The following FBL variants were observed in gnomAD, a reference collection of about 807,000 sequenced individuals.
FBL encodes the protein rRNA 2'-O-methyltransferase fibrillarin.
A neutral mutation model predicts 42.2 loss-of-function variants in FBL; 10 were observed. That is an observed-to-expected ratio of 0.24 (90% CI 0.15 to 0.40). The LOEUF (loss-of-function observed/expected upper bound fraction) is 0.40. Ranked by LOEUF, FBL falls within the 10% of genes least tolerant of loss-of-function variation. The probability of loss-of-function intolerance (pLI) is 1.00; values close to 1 mark genes in which losing one functional copy is unlikely to be tolerated. For missense variants in FBL, 351 were observed against 439.2 expected (o/e 0.80, Z 1.79); for synonymous variants, 165 against 165.4 (o/e 1.00, Z 0.02).
rs773185601 is a variant in FBL at position 39,840,537 on chromosome 19, G to A, written c.182-22C>T. 7 of 1,613,782 alleles carry A rather than the reference G, an allele frequency of 4.3e-6. No homozygotes were observed. In the South Asian group the frequency reaches 4.4e-5, roughly 10 times the overall value. ...CCACCTATAAAGGAGAGGTACAACAGGAGAGAAAGATCCTGAATCTCCGCC... is the reference window on the plus strand; with the variant it reads ...CCACCTATAAAGGAGAGGTACAACAAGAGAGAAAGATCCTGAATCTCCGCC... On this transcript the variant is annotated intron_variant, in intron 2 of 8. Coordinates refer to ENST00000221801, the MANE Select transcript of FBL (RefSeq NM_001436.4). The surrounding 1 kb of genome is among the most constrained non-coding windows in gnomAD (Gnocchi z 4.5).
rs1031631975 is a variant in FBL at position 39,834,818 on chromosome 19, AGAG to A, written c.796-8_796-6del. On this transcript the variant is annotated splice_polypyrimidine_tract_variant and splice_region_variant and intron_variant, in intron 7 of 8. Coordinates refer to ENST00000221801, the MANE Select transcript of FBL (RefSeq NM_001436.4). ...TGTGGAGTCAATGCAGTTGGCCTAA[AGAG>A]GAGAAAGGACTAATGTCTACAACAG... 1 of 1,614,114 alleles carries A rather than the reference AGAG, an allele frequency of 6.2e-7. No individual in the cohort carries two copies. Among genetic ancestry groups the A allele is most frequent in the Non-Finnish European group, 8.5e-7 (1 of 1,180,050 alleles).
In FBL at chr19:39,839,072, C is replaced by T; in HGVS notation, c.512G>A (p.Gly171Asp). ...GTCAGAGACATGGGAGACCGTGGTGCCCGAGGCAGCCCCGAGGTAGAGAAC... is the reference window on the plus strand; with the variant it reads ...GTCAGAGACATGGGAGACCGTGGTGTCCGAGGCAGCCCCGAGGTAGAGAAC... The part of the protein sequence containing the change: ...AKVLYLGAAS[G>D]TTVSHVSDIV... Residue 171 changes from glycine to aspartate, a missense_variant, in exon 5 of 9, where the codon GGC becomes GAC. Physicochemically the swap from Gly to Asp is moderately conservative, Grantham distance 94 (BLOSUM62 -1). Coordinates refer to ENST00000221801, the MANE Select transcript of FBL (RefSeq NM_001436.4). 1 of 1,613,876 alleles carries T rather than the reference C, an allele frequency of 6.2e-7. No homozygotes were observed. The highest frequency in any genetic ancestry group is 8.5e-7 in the Non-Finnish European group (1 of 1,179,856).
At chr19:39,837,578 C>A (rs920843066) in intron 6 of FBL, 133 bp downstream of exon 6, 2 of 826,676 alleles carry the variant, frequency 2.4e-6, no homozygotes, top group Non-Finnish European at 3.6e-6. Context: ...TCCCCTTACC[C>A]CTTTCTATTC....
At chr19:39,835,519 AAAAAATAAAAAT>A (rs374103014) in intron 7 of FBL, among the ~76,000 whole-genome samples, 2 of 152,158 alleles carry the variant, frequency 1.3e-5, no homozygotes, top group African/African-American at 2.4e-5. Flanking sequence ...CTCCATCTCA[AAAAAATAAAAAT>A]AAAAATAAAA....
In FBL at chr19:39,846,362, C is replaced by T. The variant is rs1969263974; in HGVS notation, c.-62G>A. The T allele has an allele frequency of 2.5e-6, 4 of 1,602,970 alleles. No individual in the cohort carries two copies. Among genetic ancestry groups the T allele is most frequent in the Non-Finnish European group, 3.4e-6 (4 of 1,174,242 alleles). ...CGTTCACAACTCCACGAGTCCGGGG[C>T]TTTCGCACGTGGAAAAGAGCGCAGG... is the stretch of plus-strand genomic sequence containing the variant. On this transcript the variant is annotated 5_prime_UTR_variant, in exon 1 of 9. Coordinates refer to ENST00000221801, the MANE Select transcript of FBL (RefSeq NM_001436.4).
chr19:39,846,275 C>T lies in FBL; in HGVS notation c.10+16G>A, dbSNP rs1030416292. 1.2e-6 allele frequency: 2 copies of T among 1,613,902 alleles called. No homozygotes were observed. Among genetic ancestry groups the T allele is most frequent in the Non-Finnish European group, 1.7e-6 (2 of 1,179,850 alleles). ...CGGCCTCCGTCCCTGACCCCGGACC[C>T]TCACCCCAGCCTGACCTGGCTTCAT... On this transcript the variant is annotated intron_variant, in intron 1 of 8. Transcript: ENST00000221801.
At chr19:39,834,603 TC>T in intron 8 of FBL, 41 bp from the exon 9 acceptor site, 1 of 1,614,078 alleles carries the variant, frequency 6.2e-7, no homozygotes, top group South Asian at 1.1e-5. Flanking sequence ...GTCCCCAGGA[TC>T]ATGGCACTCG....
chr19:39,841,848 G>A (rs1424388276), intron 1 of FBL, among the ~76,000 whole-genome samples: 1 of 152,210 alleles, frequency 6.6e-6, no homozygotes, highest in Non-Finnish European at 1.5e-5. Context: ...AGATCGAAAT[G>A]TTTAAGAAAT....
chr19:39,839,151 C>T lies in FBL; in HGVS notation c.433G>A (p.Ala145Thr). 1 of 1,613,996 alleles carries T rather than the reference C, an allele frequency of 6.2e-7. No individual in the cohort carries two copies. Among genetic ancestry groups the T allele is most frequent in the Non-Finnish European group, 8.5e-7 (1 of 1,179,962 alleles). Reference sequence around the variant, plus strand: ...TCCACACCACCCAGGATTGCTGCTGCTAGCTTGGAGCGGAAGGGGTTCCAG... The same window carrying T: ...TCCACACCACCCAGGATTGCTGCTGTTAGCTTGGAGCGGAAGGGGTTCCAG... ...RAWNPFRSKL[A>T]AAILGGVDQI... The change falls in exon 5 of 9, where the codon GCA (alanine) becomes ACA (threonine). Residue 145 changes from alanine (A) to threonine (T), a missense_variant. Ala to Thr is a moderately conservative substitution (Grantham distance 58, BLOSUM62 0). Coordinates refer to ENST00000221801, the MANE Select transcript of FBL (RefSeq NM_001436.4).
chr19:39,837,770 G>C lies in FBL; in HGVS notation c.623C>G (p.Thr208Ser), dbSNP rs777672241. 6.2e-7 allele frequency: 1 copy of C among 1,606,732 alleles called. No individual in the cohort carries two copies. Among genetic ancestry groups the C allele is most frequent in the Non-Finnish European group, 8.5e-7 (1 of 1,177,042 alleles). The change falls in exon 6 of 9, where the codon ACC becomes AGC. Residue 208 changes from threonine (T) to serine (S), a missense_variant. By Grantham distance (58) the Thr-to-Ser change is moderately conservative (BLOSUM62 1). Transcript: ENST00000221801. ...RDLINLAKKRTNIIPVIEDAR... is the reference protein window; with the variant it reads ...RDLINLAKKRSNIIPVIEDAR... ...ATCCTCGATCACAGGAATGATGTTG[G>C]TCCTCTTCTTGGCCAAGTTAATGAG...
rs765477264 is a variant in FBL at position 39,834,581 on chromosome 19, T to C, written c.942-19A>G. On this transcript the variant is annotated intron_variant, in intron 8 of 8. Coordinates refer to ENST00000221801, the MANE Select transcript of FBL (RefSeq NM_001436.4). ...GGGTGGCCTGTGAGAGGAAGATAGG[T>C]GATGAAGGAGGGTCCCCAGGATCAT... 1 of 1,614,000 alleles carries C rather than the reference T, an allele frequency of 6.2e-7. No individual in the cohort carries two copies. The highest frequency in any genetic ancestry group is 8.5e-7 in the Non-Finnish European group (1 of 1,179,964).
intron 1 of FBL, among the ~76,000 whole-genome samples, chr19:39,844,483 G>GA (rs1205260352): frequency 6.6e-6 from 1 of 151,656 alleles, no homozygotes; most frequent in Non-Finnish European, 1.5e-5. Context: ...GGGGGAGGGG[G>GA]GTCCATAAAC....
At chr19:39,837,143 T>C (rs373433524) in intron 6 of FBL, among the ~76,000 whole-genome samples, 9 of 152,034 alleles carry the variant, frequency 5.9e-5, no homozygotes, top group African/African-American at 2.2e-4. Flanking sequence ...GAATGAAAAA[T>C]AATGTTTTTA....
intron 7 of FBL, 45 bp from the exon 8 acceptor site, chr19:39,834,858 G>GT: frequency 6.2e-7 from 1 of 1,605,118 alleles, no homozygotes. Flanking sequence ...GCTTTGGGCT[G>GT]TTTTTCTCTT....
Position 39,837,718 on chromosome 19 carries a change from C to T in FBL, c.675G>A (p.Met225Ile). 6.3e-7 allele frequency: 1 copy of T among 1,576,310 alleles called. No homozygotes were observed. Among genetic ancestry groups the T allele is most frequent in the Non-Finnish European group, 8.6e-7 (1 of 1,162,990 alleles). The change falls in exon 6 of 9, where the codon ATG (methionine) becomes ATA (isoleucine). Residue 225 changes from methionine to isoleucine, a missense_variant. Coordinates refer to ENST00000221801, the MANE Select transcript of FBL (RefSeq NM_001436.4). Reference protein sequence around the residue: ...EDARHPHKYRMLIAMVDVIFA... With the variant: ...EDARHPHKYRILIAMVDVIFA... ...CACCCCCAGACCCCTCACCGATGAG[C>T]ATGCGGTATTTGTGTGGGTGTCGAG...
intron 1 of FBL, among the ~76,000 whole-genome samples, chr19:39,841,146 A>G (rs1969157591): frequency 1.3e-5 from 2 of 152,030 alleles, no homozygotes; most frequent in Admixed American, 1.3e-4. Flanking sequence ...ATCACAGCTC[A>G]CCGCAGCCTC....
At chr19:39,834,633 T>C (rs1968990772) in intron 8 of FBL, 35 bp downstream of exon 8, 1 of 1,613,904 alleles carries the variant, frequency 6.2e-7, no homozygotes, top group Admixed American at 1.7e-5. Context: ...GGGACAGAGA[T>C]GTCTGTCTTG....
rs753181544 is a variant in FBL at position 39,840,564 on chromosome 19, T to A, written c.182-49A>T. ...AGAGAAAGATCCTGAATCTCCGCCC[T>A]CCCCACTCCCCACCTCAGGAAGGCC... On this transcript the variant is annotated intron_variant, in intron 2 of 8. Coordinates refer to ENST00000221801, the MANE Select transcript of FBL (RefSeq NM_001436.4). This position sits in a 1 kb window ranked among gnomAD's most constrained non-coding sequence, Gnocchi z 4.5. 6.2e-7 allele frequency: 1 copy of A among 1,612,524 alleles called. No homozygotes were observed. Among genetic ancestry groups the A allele is most frequent in the Non-Finnish European group, 8.5e-7 (1 of 1,179,000 alleles).
At position 39,839,324 on chromosome 19, in the gene FBL, T is replaced by A. The variant is rs1415329331; in HGVS notation, c.379-119A>T. ...CCTATCACTGCACAAGAACTCAACA[T>A]GAGTAAAGAGCAGTGACCATGCACA... On this transcript the variant is annotated intron_variant, in intron 4 of 8. Transcript: ENST00000221801. 3 of 769,366 alleles carry A rather than the reference T, an allele frequency of 3.9e-6. No homozygotes were observed. In the East Asian group the frequency reaches 8.0e-5, roughly 20 times the overall value. 47.7% of individuals were successfully genotyped at this position (769,366 alleles called of 1,614,324 possible).
Sources: allele counts gnomAD v4.1 joint callset (sites outside exome capture counted in the v4.1 genomes callset), GRCh38; gene constraint gnomAD v4.1.1; non-coding constraint Gnocchi (gnomAD v3.1); transcripts MANE v1.5; gene names NCBI Gene and HGNC (gene_info 2026-07-23, HGNC 2026-07-21).